The following NRP2 variants were observed in gnomAD, a reference collection of about 807,000 sequenced individuals.
The protein encoded by NRP2 is neuropilin-2.
A neutral mutation model predicts 110.4 loss-of-function variants in NRP2; 52 were observed. That is an observed-to-expected ratio of 0.47 (90% CI 0.38 to 0.59). The LOEUF is 0.59. Among genes scored for constraint, NRP2 ranks in the 20% least tolerant of loss-of-function variants. NRP2 has a pLI of 0.00. For missense variants in NRP2, 1,049 were observed against 1,203.0 expected (o/e 0.87, Z 1.89); for synonymous variants, 508 against 468.9 (o/e 1.08, Z -1.08).
At chr2:205,764,649 A>T (rs1336524052) in intron 13 of NRP2, among the ~76,000 whole-genome samples, 1 of 152,198 alleles carries the variant, frequency 6.6e-6, no homozygotes, top group Non-Finnish European at 1.5e-5. Context: ...TTGCCAGAGG[A>T]CATGTGCTAG....
At chr2:205,742,817 A>C (rs2105872297) in intron 8 of NRP2, among the ~76,000 whole-genome samples, 1 of 152,302 alleles carries the variant, frequency 6.6e-6, no homozygotes, top group South Asian at 2.1e-4. Flanking sequence ...TGTAAGCACA[A>C]ATAGTTAATG....
At chr2:205,689,241 C>T (rs939441768) in intron 1 of NRP2, among the ~76,000 whole-genome samples, 2 of 152,226 alleles carry the variant, frequency 1.3e-5, no homozygotes, top group African/African-American at 4.8e-5. Flanking sequence ...AACTAGACTG[C>T]CTGGGTTTAG....
At position 205,743,361 on chromosome 2, in the gene NRP2, G is replaced by T; in HGVS notation, c.1450G>T (p.Gly484Cys). ...CCCTCGAATCCCTCAGGCCCAGCCCGGTGAGGAGTGGCTTCAGGTAGATCT... is the reference window on the plus strand; with the variant it reads ...CCCTCGAATCCCTCAGGCCCAGCCCTGTGAGGAGTGGCTTCAGGTAGATCT... ...WFPRIPQAQP[G>C]EEWLQVDLGT... is the part of the protein sequence containing the mutation. Residue 484 changes from glycine to cysteine, a missense_variant, in exon 9 of 17, where the codon GGT becomes TGT. By Grantham distance (159) the Gly-to-Cys change is radical (BLOSUM62 -3). Coordinates refer to ENST00000357785, the MANE Select transcript of NRP2 (RefSeq NM_003872.3). The T allele has an allele frequency of 6.2e-7, 1 of 1,614,198 alleles. No homozygotes were observed. The highest frequency in any genetic ancestry group is 8.5e-7 in the Non-Finnish European group (1 of 1,180,028).
chr2:205,747,963 T>G (rs1165767987), intron 10 of NRP2, among the ~76,000 whole-genome samples: 1 of 152,126 alleles, frequency 6.6e-6, no homozygotes, highest in Non-Finnish European at 1.5e-5. Flanking sequence ...TCCTTTGAAG[T>G]CTCTGACATC....
At chr2:205,714,490 C>T (rs960490384) in intron 2 of NRP2, among the ~76,000 whole-genome samples, 19 of 152,328 alleles carry the variant, frequency 1.2e-4, no homozygotes, top group Admixed American at 2.0e-4. Flanking sequence ...GAAAATAGCA[C>T]GGAGGGGTTT....
intron 7 of NRP2, among the ~76,000 whole-genome samples, chr2:205,734,075 G>C (rs970915783): frequency 6.6e-6 from 1 of 152,116 alleles, no homozygotes; most frequent in Non-Finnish European, 1.5e-5. Context: ...AGGAGGATGA[G>C]AGCAGAGGTC....
chr2:205,742,355 G>A lies in NRP2; in HGVS notation c.1292-848G>A, dbSNP rs183973340. 4.6e-5 allele frequency among the ~76,000 whole-genome samples: 7 copies of A among 152,334 alleles called. No individual in the cohort carries two copies. The East Asian group carries it at 1.4e-3, about 29-fold the overall frequency. On this transcript the variant is annotated intron_variant, in intron 8 of 16. Coordinates refer to ENST00000357785, the MANE Select transcript of NRP2 (RefSeq NM_003872.3). ...CAAAATAGATGGGGTCTCTGACATC[G>A]TAGAACTTTCAGGCTACTGAGCAAG...
In NRP2 at chr2:205,683,289, A is replaced by G. The variant is rs778865065; in HGVS notation, c.-2A>G. 5 of 1,612,756 alleles carry G rather than the reference A, an allele frequency of 3.1e-6. No homozygotes were observed. Among genetic ancestry groups the G allele is most frequent in the South Asian group, 2.2e-5 (2 of 90,912 alleles). On this transcript the variant is annotated 5_prime_UTR_variant, in exon 1 of 17. Coordinates refer to ENST00000357785, the MANE Select transcript of NRP2 (RefSeq NM_003872.3). ...GCTCTGGAAAGAGCCACCTTCTCCA[A>G]AATGGATATGTTTCCTCTCACCTGG...
rs1314184400 is a variant in NRP2 at position 205,697,672 on chromosome 2, A to T, written c.202A>T (p.Ile68Phe). 4.3e-6 allele frequency: 7 copies of T among 1,613,916 alleles called. No individual in the cohort carries two copies. Among genetic ancestry groups the T allele is most frequent in the Non-Finnish European group, 5.9e-6 (7 of 1,180,008 alleles). ...TTACGCCCCCGAACCCAACCAGAAG[A>T]TTGTCCTCAACTTCAACCCTCACTT... Reference protein sequence around the residue: ...IVYAPEPNQKIVLNFNPHFEI... With the variant: ...IVYAPEPNQKFVLNFNPHFEI... Residue 68 changes from isoleucine to phenylalanine, a missense_variant, in exon 2 of 17, where the codon ATT becomes TTT. Transcript: ENST00000357785.
In NRP2 at chr2:205,760,554, G is replaced by A. The variant is rs183001979; in HGVS notation, c.2045-3120G>A. Among the ~76,000 whole-genome samples the A allele has an allele frequency of 3.5e-3, 537 of 152,206 alleles. 4 individuals carry two copies. Among genetic ancestry groups the A allele is most frequent in the Admixed American group, 6.7e-3 (103 of 15,284 alleles). ...TCACTAGCATTAACTCCCTGGTCTT[G>A]CAATGTTCCCCTAAATCATGCATAG... is the stretch of plus-strand genomic sequence containing the variant. On this transcript the variant is annotated intron_variant, in intron 12 of 16. Transcript: ENST00000357785.
At chr2:205,716,836 T>C (rs2056907779) in intron 3 of NRP2, among the ~76,000 whole-genome samples, 2 of 152,100 alleles carry the variant, frequency 1.3e-5, no homozygotes. Flanking sequence ...CCAAATGGGG[T>C]CACACCATAG....
At chr2:205,688,520 G>A (rs2056228557) in intron 1 of NRP2, among the ~76,000 whole-genome samples, 1 of 152,202 alleles carries the variant, frequency 6.6e-6, no homozygotes, top group South Asian at 2.1e-4. Context: ...CAGTGGAGTA[G>A]GATTCCAGGA....
intron 3 of NRP2, chr2:205,722,166 C>T (rs1391111950): frequency 2.2e-4 from 78 of 347,630 alleles, no homozygotes; most frequent in African/African-American, 1.8e-3. Context: ...CTCTCTCTCT[C>T]TCTCATACAC....
chr2:205,719,858 C>G (rs185745491), intron 3 of NRP2, among the ~76,000 whole-genome samples: 8 of 152,360 alleles, frequency 5.3e-5, no homozygotes, highest in Non-Finnish European at 4.4e-5. Context: ...ATAGCAGAGT[C>G]TTTTCCTATG....
Position 205,797,130 on chromosome 2 carries a change from A to C in NRP2, c.*2072A>C, listed in dbSNP as rs1335337612. On this transcript the variant is annotated 3_prime_UTR_variant, in exon 17 of 17. Transcript: ENST00000357785. ...TGTTGTGACTTTGACCTAGGGTCCG[A>C]GTGTCACAGCTGATCTTGGCACTCG... 1 of 152,602 alleles carries C rather than the reference A, an allele frequency of 6.6e-6. No homozygotes were observed. Among genetic ancestry groups the C allele is most frequent in the African/African-American group, 2.4e-5 (1 of 41,416 alleles). 9.5% of individuals were successfully genotyped at this position (152,602 alleles called of 1,614,324 possible).
At chr2:205,692,662 T>A (rs1575541587) in intron 1 of NRP2, among the ~76,000 whole-genome samples, 1 of 152,180 alleles carries the variant, frequency 6.6e-6, no homozygotes, top group East Asian at 1.9e-4. Flanking sequence ...AAGGAGACAT[T>A]TGAACTCTCC....
At chr2:205,716,867 TC>T (rs1327842027) in intron 3 of NRP2, among the ~76,000 whole-genome samples, 1 of 152,080 alleles carries the variant, frequency 6.6e-6, no homozygotes, top group Non-Finnish European at 1.5e-5. Context: ...AAAATAAGGT[TC>T]CTAGAAATTC....
chr2:205,751,282 G>A (rs568149762), intron 11 of NRP2, among the ~76,000 whole-genome samples: 8 of 152,102 alleles, frequency 5.3e-5, no homozygotes, highest in Non-Finnish European at 7.4e-5. Flanking sequence ...TGATTTTCCC[G>A]TTTCTAGTGG....
intron 5 of NRP2, 63 bp downstream of exon 5, chr2:205,724,003 T>G: frequency 6.3e-7 from 1 of 1,585,546 alleles, no homozygotes; most frequent in Non-Finnish European, 8.7e-7. Flanking sequence ...GGTGTACAGG[T>G]GAAGGGGGGC....
Sources: allele counts gnomAD v4.1 joint callset (sites outside exome capture counted in the v4.1 genomes callset), GRCh38; gene constraint gnomAD v4.1.1; transcripts MANE v1.5; gene names NCBI Gene and HGNC (gene_info 2026-07-23, HGNC 2026-07-21).